The following TECPR1 variants were observed in gnomAD, a reference collection of about 807,000 sequenced individuals.
The protein encoded by TECPR1 is tectonin beta-propeller repeat-containing protein 1.
Under a neutral mutation model 162.4 loss-of-function variants are expected in TECPR1, and 122 were observed. The observed-to-expected ratio is 0.75, with a 90% CI of 0.65 to 0.87. The LOEUF (loss-of-function observed/expected upper bound fraction) is 0.87, where lower values mean the gene tolerates loss of function less well. Among genes scored for constraint, TECPR1 ranks in the 40% least tolerant of loss-of-function variants. The probability of loss-of-function intolerance (pLI) is 0.00; values close to 1 mark genes in which losing one functional copy is unlikely to be tolerated. For synonymous variants in TECPR1, 642 were observed against 670.6 expected, an observed-to-expected ratio of 0.96 and a Z score of 0.66; for missense variants, 1,432 against 1,618.2, an observed-to-expected ratio of 0.88 and a Z score of 1.97.
intron 3 of TECPR1, 72 bp downstream of exon 3, chr7:98,245,850 T>C (rs1443393687): frequency 1.7e-5 from 23 of 1,372,438 alleles, no homozygotes; most frequent in Non-Finnish European, 2.0e-6. Context: ...ATTTCCCTTC[T>C]GTGGTTCATC....
intron 19 of TECPR1, 168 bp from the exon 20 acceptor site, chr7:98,223,886 G>A (rs1264362462): frequency 1.8e-5 from 12 of 663,056 alleles, no homozygotes; most frequent in East Asian, 5.9e-5. Context: ...CTCAGGAGGC[G>A]CTTCCTGGCT....
intron 10 of TECPR1, 106 bp from the exon 11 acceptor site, chr7:98,234,017 G>A (rs1403943867): frequency 1.4e-6 from 2 of 1,397,896 alleles, no homozygotes; most frequent in East Asian, 5.1e-5. Context: ...TGGAAACTTG[G>A]GCAAGTCAGA....
In TECPR1 at chr7:98,217,544, CG is replaced by C. The variant is rs1562931185; in HGVS notation, c.3385-42del. On this transcript the variant is annotated intron_variant, in intron 25 of 25. Transcript: ENST00000447648. ...TGTGTCACCAGGGGACTCGGGGACTCGAGGATCCTGGAGGGGATCTGCCTGG... is the reference window on the plus strand; with the variant it reads ...TGTGTCACCAGGGGACTCGGGGACTCAGGATCCTGGAGGGGATCTGCCTGG... 3.1e-4 allele frequency: 481 copies of C among 1,553,632 alleles called. 4 individuals are homozygous for C. The East Asian group carries it at 0.011, about 35-fold the overall frequency.
chr7:98,219,305 A>G (rs1165594423), intron 23 of TECPR1, among the ~76,000 whole-genome samples: 2 of 152,218 alleles, frequency 1.3e-5, no homozygotes, highest in Non-Finnish European at 2.9e-5. Flanking sequence ...AACCTAGGAA[A>G]AACTATTCAA....
rs367746183 is a variant in TECPR1, at chr7:98,231,001, C to G, written c.2242G>C (p.Asp748His). 6.1e-5 allele frequency: 99 copies of G among 1,612,700 alleles called. No individual in the cohort carries two copies. The African/African-American group carries it at 1.3e-3, about 21-fold the overall frequency. The change falls in exon 15 of 26, where the codon GAC becomes CAC. Residue 748 changes from aspartate to histidine, a missense_variant. Transcript: ENST00000447648. ...GDIFVSEPSP[D>H]LEAHEHPLPC... Reference sequence around the variant, plus strand: ...AGGGGGTGCTCGTGGGCCTCCAGGTCTGGGCTGGGCTCGCTCACGAAGATG... The same window carrying G: ...AGGGGGTGCTCGTGGGCCTCCAGGTGTGGGCTGGGCTCGCTCACGAAGATG...
intron 8 of TECPR1, 82 bp downstream of exon 8, chr7:98,240,769 G>A: frequency 2.5e-6 from 3 of 1,181,082 alleles, no homozygotes; most frequent in South Asian, 1.4e-5. Flanking sequence ...CACCCAGGCT[G>A]GAGTCCAGTG....
chr7:98,223,062 G>A lies in TECPR1; in HGVS notation c.2856C>T (p.Ser952=), dbSNP rs771726155. The A allele has an allele frequency of 2.5e-6, 4 of 1,607,194 alleles. No homozygotes were observed. The change falls in exon 21 of 26, where the codon AGC becomes AGT. Residue 952 remains serine (S), a synonymous_variant. Coordinates refer to ENST00000447648, the MANE Select transcript of TECPR1 (RefSeq NM_015395.3). The part of the protein sequence containing the change: ...ESPGAEGSGH[S]IALWAVSDKG... ...TGTCGCTGACGGCCCAGAGGGCGATGCTGTGCCCACTCCCCTCGGCACCCG... is the reference window on the plus strand; with the variant it reads ...TGTCGCTGACGGCCCAGAGGGCGATACTGTGCCCACTCCCCTCGGCACCCG...
intron 23 of TECPR1, 116 bp from the exon 24 acceptor site, chr7:98,218,158 G>T: frequency 2.5e-6 from 2 of 785,132 alleles, no homozygotes; most frequent in Non-Finnish European, 4.1e-6. Flanking sequence ...TTGGGAAGCT[G>T]CTGGGGAGGC....
intron 6 of TECPR1, among the ~76,000 whole-genome samples, chr7:98,242,875 T>TCCACACAC (rs1798794918): frequency 1.8e-5 from 1 of 54,496 alleles, no homozygotes; most frequent in Non-Finnish European, 4.3e-5. Context: ...TACCCACCTA[T>TCCACACAC]CCATCTACCC....
intron 17 of TECPR1, 114 bp downstream of exon 17, chr7:98,227,900 G>T: frequency 1.3e-6 from 1 of 758,372 alleles, no homozygotes; most frequent in Non-Finnish European, 2.3e-6. Context: ...CCTGCTGGCG[G>T]CCTGACACCA....
chr7:98,231,621 C>T, intron 13 of TECPR1, 183 bp downstream of exon 13: 1 of 667,228 alleles, frequency 1.5e-6, no homozygotes, highest in Non-Finnish European at 2.3e-6. Flanking sequence ...CATTTCTGTA[C>T]CCCCTTCCCC....
chr7:98,221,455 AC>A (rs1798136830), intron 23 of TECPR1, among the ~76,000 whole-genome samples: 1 of 149,964 alleles, frequency 6.7e-6, no homozygotes, highest in Non-Finnish European at 1.5e-5. Context: ...AAATATACAC[AC>A]CCACTCTGTA....
rs1383720555 is a variant in TECPR1, at chr7:98,217,708, C to T, written c.3368G>A (p.Trp1123Ter). 5 of 1,546,482 alleles carry T rather than the reference C, an allele frequency of 3.2e-6. No homozygotes were observed. The highest frequency in any genetic ancestry group is 3.9e-5 in the Admixed American group (2 of 50,854). Reference protein sequence around the residue: ...VQPHEPKGHGWDYGIGGGWDH... With the variant: ...VQPHEPKGHG ...CCCGCTCACCCCGATGCCGTAGTCC[C>T]AGCCGTGGCCCTTGGGCTCGTGAGG... Residue 1123 changes from tryptophan to a stop codon, truncating the protein, a stop_gained, in exon 25 of 26, where the codon TGG becomes TAG. Transcript: ENST00000447648. LOFTEE classifies it high-confidence loss of function.
Position 98,232,981 on chromosome 7 carries a change from CAG to C in TECPR1, c.1673-11_1673-10del. The C allele has an allele frequency of 6.3e-7, 1 of 1,599,210 alleles. No homozygotes were observed. The highest frequency in any genetic ancestry group is 8.5e-7 in the Non-Finnish European group (1 of 1,172,042). On this transcript the variant is annotated splice_polypyrimidine_tract_variant and intron_variant, in intron 11 of 25. Coordinates refer to ENST00000447648, the MANE Select transcript of TECPR1 (RefSeq NM_015395.3). The surrounding 1 kb of genome is among the most constrained non-coding windows in gnomAD (Gnocchi z 4.6). ...TACCGAGGAGGACAGGCCTGTGGGG[CAG>C]AGAGAGCCTCAGGGCCGGGGCACTG...
In TECPR1 at chr7:98,240,963, C is replaced by T; in HGVS notation, c.833-12G>A. 6.3e-7 allele frequency: 1 copy of T among 1,598,300 alleles called. No homozygotes were observed. The highest frequency in any genetic ancestry group is 1.1e-5 in the South Asian group (1 of 88,140). On this transcript the variant is annotated splice_polypyrimidine_tract_variant and intron_variant, in intron 7 of 25. Transcript: ENST00000447648. ...GGACCAGGAACTTCCTACCGGGCCC[C>T]CAAGAAACCCCCAGTGGCCCCCATC...
chr7:98,245,758 G>C (rs1247277042), intron 3 of TECPR1, among the ~76,000 whole-genome samples, 164 bp downstream of exon 3: 1 of 152,208 alleles, frequency 6.6e-6, no homozygotes, highest in Non-Finnish European at 1.5e-5. Context: ...ACAGGCGTGA[G>C]TCACCACGCC....
intron 2 of TECPR1, 84 bp from the exon 3 acceptor site, chr7:98,246,249 G>GC: frequency 1.3e-6 from 1 of 763,246 alleles, no homozygotes; most frequent in South Asian, 1.9e-5. Flanking sequence ...GACTTCTACT[G>GC]TGACTATTTA....
Position 98,217,184 on chromosome 7 carries a change from G to T in TECPR1, c.*206C>A, listed in dbSNP as rs1040157893. The T allele has an allele frequency of 1.9e-6, 1 of 537,380 alleles. No individual in the cohort carries two copies. The highest frequency in any genetic ancestry group is 3.3e-6 in the Non-Finnish European group (1 of 303,870). The allele number at this position is 537,380 out of a possible 1,614,324, so 33.3% of individuals were successfully genotyped here. On this transcript the variant is annotated 3_prime_UTR_variant, in exon 26 of 26. Coordinates refer to ENST00000447648, the MANE Select transcript of TECPR1 (RefSeq NM_015395.3). ...CACCCCGGGACTCCTCGCAGACGGGGACACGTGTGGGAGTGTCCGCGGAGC... is the reference window on the plus strand; with the variant it reads ...CACCCCGGGACTCCTCGCAGACGGGTACACGTGTGGGAGTGTCCGCGGAGC...
rs531633517 is a variant in TECPR1, at chr7:98,243,519, G to A, written c.605C>T (p.Thr202Met). Residue 202 changes from threonine to methionine, a missense_variant, in exon 6 of 26, where the codon ACG (threonine) becomes ATG (methionine). Thr to Met is a moderately conservative substitution (Grantham distance 81). Coordinates refer to ENST00000447648, the MANE Select transcript of TECPR1 (RefSeq NM_015395.3). ...TGACAGGCGGCCCACAGGCTCCTCC[G>A]TGATCTCCCAGCCCCCTACAGAGAG... is the stretch of plus-strand genomic sequence containing the variant. ...NDLSVGGWEI[T>M]EEPVGRLSVW... is the part of the protein sequence containing the mutation. 1.2e-5 allele frequency: 20 copies of A among 1,612,638 alleles called. No individual in the cohort carries two copies. Among genetic ancestry groups the A allele is most frequent in the East Asian group, 8.9e-5 (4 of 44,870 alleles).
Sources: gnomAD v4.1 joint callset for allele counts (sites outside exome capture counted in the v4.1 genomes callset) on GRCh38, gnomAD v4.1.1 for gene constraint, Gnocchi (gnomAD v3.1) non-coding constraint, MANE v1.5 for transcripts, NCBI Gene and HGNC (gene_info 2026-07-23, HGNC 2026-07-21) for gene names.